Variants in SLC39A10 observed in about 807,000 individuals in gnomAD.
SLC39A10 encodes the protein solute carrier family 39 member 10, also known as zinc transporter ZIP10.
Under a neutral mutation model 65.1 loss-of-function variants are expected in SLC39A10, and 13 were observed. The observed-to-expected ratio is 0.20, with a 90% CI of 0.13 to 0.32. The LOEUF (loss-of-function observed/expected upper bound fraction) is 0.32. Among genes scored for constraint, SLC39A10 ranks in the 10% least tolerant of loss-of-function variants. The probability of loss-of-function intolerance (pLI) is 1.00; values close to 1 mark genes in which losing one functional copy is unlikely to be tolerated. For missense variants in SLC39A10, 831 were observed against 1,018.4 expected, an observed-to-expected ratio of 0.82 and a Z score of 2.50; for synonymous variants, 321 against 342.2, an observed-to-expected ratio of 0.94 and a Z score of 0.68.
In SLC39A10 at chr2:195,731,565, C is replaced by G. The variant is rs552540311; in HGVS notation, c.2337+3216C>G. Among the ~76,000 whole-genome samples the G allele has an allele frequency of 4.6e-5, 7 of 152,080 alleles. No individual in the cohort carries two copies. The South Asian group carries it at 1.5e-3, about 32-fold the overall frequency. On this transcript the variant is annotated intron_variant, in intron 9 of 9. Transcript: ENST00000359634. Reference sequence around the variant, plus strand: ...TTTAGTTTATATATAGTTAGTATTTCCTTACATCTGTAACACTAGAAAGTT... The same window carrying G: ...TTTAGTTTATATATAGTTAGTATTTGCTTACATCTGTAACACTAGAAAGTT...
intron 6 of SLC39A10, among the ~76,000 whole-genome samples, chr2:195,715,320 G>A (rs1691753047): frequency 6.6e-6 from 1 of 151,880 alleles, no homozygotes; most frequent in Non-Finnish European, 1.5e-5. Flanking sequence ...GAGGTCAGGA[G>A]TTCAAGACCA....
intron 9 of SLC39A10, among the ~76,000 whole-genome samples, chr2:195,733,605 A>G (rs1207007372): frequency 6.6e-6 from 1 of 151,930 alleles, no homozygotes; most frequent in East Asian, 1.9e-4. Context: ...ATCTTGGCTC[A>G]CCGCAACCTC....
At chr2:195,709,860 C>T (rs1483094961) in intron 5 of SLC39A10, among the ~76,000 whole-genome samples, 1 of 152,180 alleles carries the variant, frequency 6.6e-6, no homozygotes, top group African/African-American at 2.4e-5. Context: ...AAGCAAGTTT[C>T]ATCCGTCTTC....
At chr2:195,616,230 C>T (rs1385902091) in intron 2 of SLC39A10, among the ~76,000 whole-genome samples, 3 of 152,200 alleles carry the variant, frequency 2.0e-5, no homozygotes, top group African/African-American at 7.2e-5. Context: ...GTTAGGATTA[C>T]AGGCGTGAGC....
chr2:195,706,505 G>C (rs1318901579), intron 3 of SLC39A10, 111 bp from the exon 4 acceptor site: 2 of 995,144 alleles, frequency 2.0e-6, no homozygotes, highest in African/African-American at 3.4e-5. Context: ...TCATAATCTG[G>C]GTAAAATAGT....
intron 3 of SLC39A10, among the ~76,000 whole-genome samples, chr2:195,700,662 T>G (rs1559040299): frequency 6.6e-6 from 1 of 152,190 alleles, no homozygotes; most frequent in Non-Finnish European, 1.5e-5. Flanking sequence ...CTCCCTCACT[T>G]TTGAACGTCA....
intron 1 of SLC39A10, chr2:195,657,949 C>G (rs746854679): frequency 6.6e-6 from 1 of 152,502 alleles, no homozygotes; most frequent in Non-Finnish European, 1.5e-5. Flanking sequence ...GTGTGAAGAT[C>G]TCGGCCTGCT....
At chr2:195,625,247 ATTTAAAACTGTTGACAAC>A in intron 2 of SLC39A10, among the ~76,000 whole-genome samples, 1 of 148,276 alleles carries the variant, frequency 6.7e-6, no homozygotes, top group African/African-American at 2.5e-5. Flanking sequence ...AGAAAGAAAG[ATTTAAAACTGTTGACAAC>A]TTTTTTTCTT....
At chr2:195,655,446 T>A (rs1689126465), upstream of SLC39A10, among the ~76,000 whole-genome samples, 1 of 152,214 alleles carries the variant, frequency 6.6e-6, no homozygotes, top group Admixed American at 6.5e-5. Context: ...GTTTTAAGGG[T>A]GTTGATAATA....
intron 2 of SLC39A10, among the ~76,000 whole-genome samples, chr2:195,613,468 A>G (rs1688141510): frequency 6.6e-6 from 1 of 152,170 alleles, no homozygotes; most frequent in Admixed American, 6.5e-5. Flanking sequence ...CTGTTCTCTG[A>G]TTATATTCTT....
chr2:195,614,781 T>C (rs961904188), intron 2 of SLC39A10, among the ~76,000 whole-genome samples: 2 of 151,686 alleles, frequency 1.3e-5, no homozygotes, highest in African/African-American at 4.8e-5. Context: ...TAGTCAGGCA[T>C]GGTGGCTTAG....
At chr2:195,639,781 G>A (rs1373047155) in intron 2 of SLC39A10, among the ~76,000 whole-genome samples, 1 of 152,028 alleles carries the variant, frequency 6.6e-6, no homozygotes, top group Non-Finnish European at 1.5e-5. Flanking sequence ...TCGCCATATT[G>A]CCCAAGCTGG....
intron 2 of SLC39A10, among the ~76,000 whole-genome samples, chr2:195,641,296 A>T (rs1038042192): frequency 2.0e-5 from 3 of 152,162 alleles, no homozygotes; most frequent in Non-Finnish European, 4.4e-5. Flanking sequence ...TGCCGAGGAG[A>T]TGAGGCACTT....
chr2:195,718,112 T>C, intron 7 of SLC39A10, 140 bp from the exon 8 acceptor site: 2 of 551,808 alleles, frequency 3.6e-6, no homozygotes, highest in East Asian at 2.8e-5. Flanking sequence ...GTTCAAAAAC[T>C]ATAGTGTGTA....
chr2:195,704,386 ACTC>A, intron 3 of SLC39A10, among the ~76,000 whole-genome samples: 1 of 152,088 alleles, frequency 6.6e-6, no homozygotes, highest in Non-Finnish European at 1.5e-5. Context: ...TTTGTTACCA[ACTC>A]ACTTTGTCCC....
rs75491675 is a variant in SLC39A10, at chr2:195,639,408, A to G, written c.-12+33175A>G. Among the ~76,000 whole-genome samples, 1,506 of 152,284 alleles carry G rather than the reference A, an allele frequency of 9.9e-3. 27 individuals carry two copies. The highest frequency in any genetic ancestry group is 0.035 in the African/African-American group (1,454 of 41,540). On this transcript the variant is annotated intron_variant, in intron 2 of 2. Coordinates refer to the SLC39A10 transcript ENST00000458054. ...TGTATCAGAGCTATCTCCTAGCAACATGATTTATCATTGTTGATGTTGACC... is the reference window on the plus strand; with the variant it reads ...TGTATCAGAGCTATCTCCTAGCAACGTGATTTATCATTGTTGATGTTGACC...
chr2:195,708,645 C>A lies in SLC39A10; in HGVS notation c.1387-11C>A. ...TATTTGTTTAGAAGTTTTATTTGTT[C>A]TTATTAATAGTCTCAGGGTGGACAT... On this transcript the variant is annotated splice_polypyrimidine_tract_variant and intron_variant, in intron 4 of 9. Transcript: ENST00000359634. 1 of 1,520,672 alleles carries A rather than the reference C, an allele frequency of 6.6e-7. No individual in the cohort carries two copies. Among genetic ancestry groups the A allele is most frequent in the Non-Finnish European group, 8.8e-7 (1 of 1,135,572 alleles). The allele number at this position is 1,520,672 out of a possible 1,614,324, so 94.2% of individuals were successfully genotyped here.
At chr2:195,724,840 A>C (rs1173417132) in intron 8 of SLC39A10, among the ~76,000 whole-genome samples, 2 of 152,200 alleles carry the variant, frequency 1.3e-5, no homozygotes, top group African/African-American at 4.8e-5. Flanking sequence ...GAACTTGAAT[A>C]GCCAGTAGAA....
intron 2 of SLC39A10, among the ~76,000 whole-genome samples, chr2:195,636,863 C>G (rs961676514): frequency 1.2e-4 from 19 of 152,082 alleles, no homozygotes; most frequent in African/African-American, 4.3e-4. Flanking sequence ...TGGAGAAACC[C>G]CATCTCCATA....
Sources: gnomAD v4.1 joint callset for allele counts (sites outside exome capture counted in the v4.1 genomes callset) on GRCh38, gnomAD v4.1.1 for gene constraint, MANE v1.5 for transcripts, NCBI Gene and HGNC (gene_info 2026-07-23, HGNC 2026-07-21) for gene names.